The following TNIK variants were observed in gnomAD, a reference collection of about 807,000 sequenced individuals.
TNIK encodes TRAF2 and NCK-interacting protein kinase.
Under a neutral mutation model 191.3 loss-of-function variants are expected in TNIK, and 49 were observed. That is an observed-to-expected ratio of 0.26 (90% confidence interval 0.20 to 0.32). The LOEUF (loss-of-function observed/expected upper bound fraction) is 0.32. Ranked by LOEUF, TNIK falls within the 10% of genes least tolerant of loss-of-function variation. TNIK has a pLI of 1.00. For synonymous variants in TNIK, 594 were observed against 600.9 expected, an observed-to-expected ratio of 0.99 and a Z score of 0.17; for missense variants, 1,155 against 1,702.3, an observed-to-expected ratio of 0.68 and a Z score of 5.66.
intron 18 of TNIK, among the ~76,000 whole-genome samples, chr3:171,117,116 C>T (rs1343457073): frequency 6.6e-6 from 1 of 152,112 alleles, no homozygotes; most frequent in Non-Finnish European, 1.5e-5. Context: ...CATGAGACAA[C>T]AACTTCGAAA....
At chr3:171,239,709 A>G (rs1394224181) in intron 2 of TNIK, among the ~76,000 whole-genome samples, 1 of 152,262 alleles carries the variant, frequency 6.6e-6, no homozygotes, top group Non-Finnish European at 1.5e-5. Context: ...AGGACATTAG[A>G]AAACTGAAAG....
chr3:171,396,440 C>T (rs1720263936), intron 1 of TNIK, among the ~76,000 whole-genome samples: 1 of 152,128 alleles, frequency 6.6e-6, no homozygotes. Flanking sequence ...TTTGTATAGA[C>T]ATATTTTCAT....
chr3:171,064,089 C>G, intron 32 of TNIK, 125 bp from the exon 33 acceptor site: 1 of 816,644 alleles, frequency 1.2e-6, no homozygotes, highest in African/African-American at 1.7e-5. Flanking sequence ...GACTCAATGG[C>G]TTGTGTTTAT....
At chr3:171,084,385 G>A (rs574491882) in intron 25 of TNIK, 60 bp from the exon 26 acceptor site, 2 of 1,543,186 alleles carry the variant, frequency 1.3e-6, no homozygotes, top group East Asian at 2.3e-5. Flanking sequence ...ATGGAGATGG[G>A]GCTTCAAAAC....
intron 1 of TNIK, among the ~76,000 whole-genome samples, chr3:171,374,885 C>G (rs1347168250): frequency 6.6e-6 from 1 of 152,126 alleles, no homozygotes; most frequent in East Asian, 1.9e-4. Context: ...CTATCATTAT[C>G]TTTGTTTTAC....
chr3:171,225,813 T>C (rs1416460495), intron 3 of TNIK: 11 of 349,076 alleles, frequency 3.2e-5, no homozygotes, highest in Admixed American at 2.8e-4. Flanking sequence ...ATTAATGACA[T>C]CAGTGGAACT....
In TNIK at chr3:171,341,733, G is replaced by C. The variant is rs903829620; in HGVS notation, c.123+27887C>G. On this transcript the variant is annotated intron_variant, in intron 2 of 32. Transcript: ENST00000436636. ...TGGTCTACGCAGTGGTAGTAGCCTAGTCTTTATCCTTATGGCAGTTACAGT... is the reference window on the plus strand; with the variant it reads ...TGGTCTACGCAGTGGTAGTAGCCTACTCTTTATCCTTATGGCAGTTACAGT... 2.2e-4 allele frequency among the ~76,000 whole-genome samples: 33 copies of C among 152,252 alleles called. 1 individual carries two copies. Among genetic ancestry groups the C allele is most frequent in the African/African-American group, 7.7e-4 (32 of 41,544 alleles).
chr3:171,448,365 T>TA (rs1238462377), intron 1 of TNIK, among the ~76,000 whole-genome samples: 1 of 152,236 alleles, frequency 6.6e-6, no homozygotes, highest in Non-Finnish European at 1.5e-5. Flanking sequence ...AATGGAATCA[T>TA]ACAACCATGT....
At chr3:171,189,084 C>A (rs1259016046) in intron 6 of TNIK, among the ~76,000 whole-genome samples, 1 of 152,166 alleles carries the variant, frequency 6.6e-6, no homozygotes, top group Non-Finnish European at 1.5e-5. Context: ...GCTCCCAATT[C>A]CCCCTTGCCC....
chr3:171,265,152 A>AG (rs1255170049), intron 2 of TNIK, among the ~76,000 whole-genome samples: 5 of 152,232 alleles, frequency 3.3e-5, no homozygotes, highest in African/African-American at 9.6e-5. Context: ...CCCCAAATGT[A>AG]GGCACCAGGA....
At chr3:171,147,143 G>A (rs763097556) in intron 12 of TNIK, among the ~76,000 whole-genome samples, 5 of 152,104 alleles carry the variant, frequency 3.3e-5, no homozygotes, top group Non-Finnish European at 7.4e-5. Flanking sequence ...TCCTGAAAGC[G>A]GTGAGAGGAA....
chr3:171,443,395 CA>C (rs1243276666), intron 1 of TNIK, among the ~76,000 whole-genome samples: 1 of 152,194 alleles, frequency 6.6e-6, no homozygotes, highest in African/African-American at 2.4e-5. Context: ...GTGAAAAAGC[CA>C]TTTCAAATTT....
At chr3:171,177,781 A>G (rs569472124) in intron 7 of TNIK, among the ~76,000 whole-genome samples, 1 of 152,316 alleles carries the variant, frequency 6.6e-6, no homozygotes, top group East Asian at 1.9e-4. Flanking sequence ...CTGTGAACAC[A>G]TCATCACAGT....
chr3:171,280,311 G>T (rs2109248937), intron 2 of TNIK, among the ~76,000 whole-genome samples: 1 of 152,318 alleles, frequency 6.6e-6, no homozygotes, highest in Non-Finnish European at 1.5e-5. Context: ...TGAACTGGGT[G>T]AGAAAAATCT....
Position 171,110,784 on chromosome 3 carries a change from G to A in TNIK, c.2214C>T (p.Ser738=), listed in dbSNP as rs1725735204. The A allele has an allele frequency of 1.9e-6, 3 of 1,604,180 alleles. No homozygotes were observed. Among genetic ancestry groups the A allele is most frequent in the African/African-American group, 1.3e-5 (1 of 74,932 alleles). The change falls in exon 19 of 33, where the codon TCC becomes TCT. Residue 738 remains serine (S), a synonymous_variant. Transcript: ENST00000436636. ...GGGAGCCTCCTTGGGAGCTGGGCTG[G>A]GAGCTAGGGGTGCTGGAGCTGGAGG... ...GSSSSSSTPS[S]QPSSQGGSQP...
chr3:171,448,139 C>T (rs1273146474), intron 1 of TNIK, among the ~76,000 whole-genome samples: 2 of 151,828 alleles, frequency 1.3e-5, no homozygotes, highest in Non-Finnish European at 2.9e-5. Flanking sequence ...GATTATTAAC[C>T]CTTTTATCTA....
At chr3:171,108,853 T>C (rs1725388283) in intron 19 of TNIK, among the ~76,000 whole-genome samples, 1 of 152,040 alleles carries the variant, frequency 6.6e-6, no homozygotes, top group Non-Finnish European at 1.5e-5. Flanking sequence ...CAGAGCAAGG[T>C]CAAGGGGACC....
chr3:171,153,189 C>G (rs9810566), intron 12 of TNIK, among the ~76,000 whole-genome samples: 3,258 of 151,994 alleles, frequency 0.021, 124 homozygotes, highest in African/African-American at 0.075. Flanking sequence ...CTTATGCTTG[C>G]ATACTAAATC....
At chr3:171,141,828 C>A (rs1438497473) in intron 12 of TNIK, among the ~76,000 whole-genome samples, 1 of 152,150 alleles carries the variant, frequency 6.6e-6, no homozygotes, top group East Asian at 1.9e-4. Context: ...CCAGGGGGAC[C>A]ATTTCCTTGT....
Sources: gnomAD v4.1 joint callset for allele counts (sites outside exome capture counted in the v4.1 genomes callset) on GRCh38, gnomAD v4.1.1 for gene constraint, MANE v1.5 for transcripts, NCBI Gene and HGNC (gene_info 2026-07-23, HGNC 2026-07-21) for gene names.